The following ENOX1 variants were observed in gnomAD, a reference collection of about 807,000 sequenced individuals.
ENOX1 encodes candidate growth-related and time keeping constitutive hydroquinone (NADH) oxidase.
Under a neutral mutation model 82.5 loss-of-function variants are expected in ENOX1, and 42 were observed. That is an observed-to-expected ratio of 0.51 (90% confidence interval 0.40 to 0.66). ENOX1 has a LOEUF of 0.66. Among genes scored for constraint, ENOX1 ranks in the 30% least tolerant of loss-of-function variants. The pLI is 0.00. For missense variants in ENOX1, 608 were observed against 811.6 expected (o/e 0.75, Z 3.05); for synonymous variants, 271 against 282.2 (o/e 0.96, Z 0.40).
intron 15 of ENOX1, among the ~76,000 whole-genome samples, chr13:43,230,438 C>T (rs568825407): frequency 3.3e-5 from 5 of 152,172 alleles, no homozygotes; most frequent in East Asian, 1.9e-4. Flanking sequence ...TTTTCCTTCT[C>T]GTTTGTTGCA....
intron 5 of ENOX1, among the ~76,000 whole-genome samples, chr13:43,385,894 C>T (rs932348914): frequency 6.6e-6 from 1 of 152,000 alleles, no homozygotes; most frequent in Non-Finnish European, 1.5e-5. Context: ...GGCCGGGCAC[C>T]GTGGCCCATA....
rs1475425662 is a variant in ENOX1, at chr13:43,370,240, AC to A, written c.209-8789del. ...AAATTAGCTGGGAGTGGTGGCGGGC[AC>A]CTGTAGTCCCAGCTACTCGGGAGGC... is the stretch of plus-strand genomic sequence containing the variant. On this transcript the variant is annotated intron_variant, in intron 5 of 16. Coordinates refer to ENST00000690772, the MANE Select transcript of ENOX1 (RefSeq NM_001347969.2). Among the ~76,000 whole-genome samples, 6 of 151,930 alleles carry A rather than the reference AC, an allele frequency of 3.9e-5. No individual in the cohort carries two copies. The East Asian group carries it at 1.2e-3, about 30-fold the overall frequency.
chr13:43,302,194 G>A (rs554518055), intron 11 of ENOX1, among the ~76,000 whole-genome samples: 1 of 151,370 alleles, frequency 6.6e-6, no homozygotes, highest in Non-Finnish European at 1.5e-5. Context: ...ATATGTAAGA[G>A]ACACCCCATG....
At chr13:43,525,952 T>A (rs2077972148) in intron 2 of ENOX1, among the ~76,000 whole-genome samples, 1 of 152,256 alleles carries the variant, frequency 6.6e-6, no homozygotes, top group Non-Finnish European at 1.5e-5. Context: ...TTTATATTCT[T>A]CATTTTTTAA....
In ENOX1 at chr13:43,340,764, C is replaced by A. The variant is rs1042425303; in HGVS notation, c.1036+3774G>T. Among the ~76,000 whole-genome samples, 19 of 152,222 alleles carry A rather than the reference C, an allele frequency of 1.2e-4. No individual in the cohort carries two copies. The East Asian group carries it at 3.7e-3, about 29-fold the overall frequency. Reference sequence around the variant, plus strand: ...ATGCCAAACTACTCAACGAGGTCACCAGAAATTTCTGAACTCACTGTTTCA... The same window carrying A: ...ATGCCAAACTACTCAACGAGGTCACAAGAAATTTCTGAACTCACTGTTTCA... On this transcript the variant is annotated intron_variant, in intron 9 of 16. Coordinates refer to ENST00000690772, the MANE Select transcript of ENOX1 (RefSeq NM_001347969.2).
intron 5 of ENOX1, among the ~76,000 whole-genome samples, chr13:43,365,803 C>T (rs1461055226): frequency 1.3e-5 from 2 of 152,196 alleles, no homozygotes; most frequent in African/African-American, 4.8e-5. Flanking sequence ...TCTTAGAATG[C>T]AGGGCTCCAG....
At chr13:43,311,408 TA>T (rs2047196496) in intron 11 of ENOX1, among the ~76,000 whole-genome samples, 1 of 152,048 alleles carries the variant, frequency 6.6e-6, no homozygotes, top group Non-Finnish European at 1.5e-5. Flanking sequence ...CCCAACAGAT[TA>T]AAAATTAGTT....
At chr13:43,533,045 T>C (rs1048885391) in intron 2 of ENOX1, among the ~76,000 whole-genome samples, 1 of 152,172 alleles carries the variant, frequency 6.6e-6, no homozygotes, top group Non-Finnish European at 1.5e-5. Context: ...ACAGCACTTT[T>C]ACAGAAAGCA....
chr13:43,672,361 G>A (rs973600464), intron 1 of ENOX1, among the ~76,000 whole-genome samples: 1 of 152,056 alleles, frequency 6.6e-6, no homozygotes, highest in Admixed American at 6.6e-5. Context: ...CTTTATTACC[G>A]TTAGATAATA....
intron 1 of ENOX1, among the ~76,000 whole-genome samples, chr13:43,767,421 T>A (rs1437413268): frequency 6.6e-6 from 1 of 152,232 alleles, no homozygotes; most frequent in African/African-American, 2.4e-5. Flanking sequence ...CCAAACTTTA[T>A]GCAGCTTCTG....
Position 43,741,848 on chromosome 13 carries a change from T to C in ENOX1, c.-285+44804A>G, listed in dbSNP as rs77025564. The stretch of plus-strand genomic sequence containing the variant: ...ATCATGAAGATTTACATCTGTTTTC[T>C]TCTAATAGTTTTATAGCTTTAGGTC... On this transcript the variant is annotated intron_variant, in intron 1 of 16. Transcript: ENST00000690772. 5.4e-3 allele frequency among the ~76,000 whole-genome samples: 823 copies of C among 152,360 alleles called. 30 individuals carry two copies. In the East Asian group the frequency reaches 0.093, roughly 17 times the overall value.
intron 2 of ENOX1, among the ~76,000 whole-genome samples, chr13:43,538,228 T>C (rs780260264): frequency 1.2e-4 from 18 of 152,334 alleles, no homozygotes; most frequent in Non-Finnish European, 1.3e-4. Flanking sequence ...ATTTCCTTCA[T>C]TTCTCTTTTA....
At chr13:43,301,573 T>C (rs2046577744) in intron 11 of ENOX1, among the ~76,000 whole-genome samples, 1 of 20,464 alleles carries the variant, frequency 4.9e-5, no homozygotes, top group Non-Finnish European at 3.0e-4. Context: ...ACAGCTGTAA[T>C]TCCCCCACCA....
In ENOX1 at chr13:43,616,200, ATATATTTTTT is replaced by A. The variant is rs1566642559; in HGVS notation, c.-219+51269_-219+51278del. 3.7e-4 allele frequency among the ~76,000 whole-genome samples: 7 copies of A among 19,112 alleles called. 1 individual carries two copies. Among genetic ancestry groups the A allele is most frequent in the South Asian group, 0.011 (1 of 94 alleles). The allele number at this position is 19,112 out of a possible 152,430, so 12.5% of individuals were successfully genotyped here. A position where few individuals can be genotyped will look rare whatever the true frequency, so the allele number is the denominator to read the frequency against. The stretch of plus-strand genomic sequence containing the variant: ...TATCTATCTATCTATATATATATAT[ATATATTTTTT>A]TTTTTTTTTTAGGACGGAGTCTTAC... On this transcript the variant is annotated intron_variant, in intron 2 of 16. Transcript: ENST00000690772.
intron 1 of ENOX1, among the ~76,000 whole-genome samples, chr13:43,735,973 T>A (rs1004966244): frequency 3.9e-5 from 6 of 152,182 alleles, no homozygotes; most frequent in Non-Finnish European, 8.8e-5. Context: ...GAAGGTAAAG[T>A]GAGCAACAGA....
At chr13:43,347,822 G>A (rs932794181) in intron 8 of ENOX1, among the ~76,000 whole-genome samples, 2 of 152,174 alleles carry the variant, frequency 1.3e-5, no homozygotes, top group African/African-American at 4.8e-5. Flanking sequence ...CTCTGAACTG[G>A]ATGCAGTTTA....
intron 2 of ENOX1, among the ~76,000 whole-genome samples, chr13:43,612,431 A>T (rs2082236631): frequency 6.6e-6 from 1 of 152,198 alleles, no homozygotes; most frequent in Admixed American, 6.5e-5. Context: ...AAGGGAACTG[A>T]ATTTTCATTG....
At chr13:43,663,390 C>T (rs1205470492) in intron 2 of ENOX1, among the ~76,000 whole-genome samples, 2 of 152,126 alleles carry the variant, frequency 1.3e-5, no homozygotes, top group African/African-American at 2.4e-5. Context: ...ACATGCCCTG[C>T]CCCCTCATAC....
chr13:43,716,331 C>T (rs2088128943), intron 1 of ENOX1, among the ~76,000 whole-genome samples: 1 of 152,174 alleles, frequency 6.6e-6, no homozygotes, highest in African/African-American at 2.4e-5. Context: ...CCACTCCAGA[C>T]CCTGTTTGCC....
Sources: allele counts gnomAD v4.1 joint callset (sites outside exome capture counted in the v4.1 genomes callset), GRCh38; gene constraint gnomAD v4.1.1; transcripts MANE v1.5; gene names NCBI Gene and HGNC (gene_info 2026-07-23, HGNC 2026-07-21).